CALU: variants seen among roughly 807,000 people sequenced by gnomAD.
The protein encoded by CALU is calumenin.
Under a neutral mutation model 37.5 loss-of-function variants are expected in CALU, and 13 were observed. That is an observed-to-expected ratio of 0.35 (90% CI 0.23 to 0.55). CALU has a LOEUF of 0.55. Among genes scored for constraint, CALU ranks in the 20% least tolerant of loss-of-function variants. The pLI, the probability that CALU is intolerant of heterozygous loss-of-function variation, is 0.89. For synonymous variants in CALU, 114 were observed against 133.8 expected, an observed-to-expected ratio of 0.85 and a Z score of 1.02; for missense variants, 282 against 391.7, an observed-to-expected ratio of 0.72 and a Z score of 2.36.
rs1466085388 is a variant in CALU at position 128,754,275 on chromosome 7, A to G, written c.235A>G (p.Lys79Glu). ...CATTTTCTACAGAAAGATTGTAAGT[A>G]AAATAGATGGCGACAAGGACGGGTT... ...SKERLGKIVSKIDGDKDGFVT... is the reference protein window; with the variant it reads ...SKERLGKIVSEIDGDKDGFVT... Residue 79 changes from lysine (K) to glutamate (E), a missense_variant, in exon 3 of 7, where the codon AAA (lysine) becomes GAA (glutamate). Transcript: ENST00000249364. The G allele has an allele frequency of 6.2e-7, 1 of 1,607,924 alleles. No homozygotes were observed. Among genetic ancestry groups the G allele is most frequent in the African/African-American group, 1.3e-5 (1 of 74,476 alleles).
intron 2 of CALU, among the ~76,000 whole-genome samples, chr7:128,753,103 C>G (rs985408094): frequency 3.9e-5 from 6 of 152,214 alleles, no homozygotes; most frequent in Admixed American, 3.9e-4. Flanking sequence ...TTGTATCTAA[C>G]ACCTGATCTG....
At chr7:128,741,306 A>G (rs1425840521) in intron 1 of CALU, among the ~76,000 whole-genome samples, 1 of 152,262 alleles carries the variant, frequency 6.6e-6, no homozygotes, top group Non-Finnish European at 1.5e-5. Context: ...CAGGAACCAC[A>G]TTGCTGCCAA....
chr7:128,755,156 A>AAAAAG lies in CALU; in HGVS notation c.415+704_415+705insAGAAA, dbSNP rs1800825194. Among the ~76,000 whole-genome samples the AAAAAG allele has an allele frequency of 4.0e-5, 6 of 151,618 alleles. 1 individual carries two copies. In the South Asian group the frequency reaches 1.3e-3, roughly 32 times the overall value. Reference sequence around the variant, plus strand: ...CCTGTCTCTACCAAAAAAAAAAAAAAAAATTTAAATTAGCCAAGCATGGTG... The same window carrying AAAAAG: ...CCTGTCTCTACCAAAAAAAAAAAAAAAAAAGAAATTTAAATTAGCCAAGCATGGTG... On this transcript the variant is annotated intron_variant, in intron 3 of 6. Transcript: ENST00000249364.
chr7:128,748,520 T>A (rs1585003027), intron 1 of CALU, 53 bp from the exon 2 acceptor site: 1 of 1,384,904 alleles, frequency 7.2e-7, no homozygotes, highest in Non-Finnish European at 1.0e-6. Context: ...AATTTCTTAT[T>A]TAGTTATTAA....
intron 1 of CALU, among the ~76,000 whole-genome samples, chr7:128,741,816 C>T (rs1021011700): frequency 2.6e-5 from 4 of 152,246 alleles, no homozygotes; most frequent in African/African-American, 9.6e-5. Flanking sequence ...GGCTTGTCAA[C>T]GAAAAGGAAA....
chr7:128,740,349 T>TCAAC (rs1252752248), intron 1 of CALU, among the ~76,000 whole-genome samples: 1 of 152,224 alleles, frequency 6.6e-6, no homozygotes, highest in East Asian at 1.9e-4. Flanking sequence ...GACCATGAAG[T>TCAAC]CAACGTTAAT....
chr7:128,746,609 A>G (rs1054694324), intron 1 of CALU, among the ~76,000 whole-genome samples: 2 of 152,062 alleles, frequency 1.3e-5, no homozygotes, highest in Non-Finnish European at 1.5e-5. Context: ...GTATGCCACC[A>G]TGCCCAGCTA....
chr7:128,773,204 A>G lies in CALU; in HGVS notation c.*4037A>G, dbSNP rs189168873. On this transcript the variant is annotated 3_prime_UTR_variant, in exon 7 of 7. Transcript: ENST00000249364. ...GCTTCACACATGCTCGTGCAGGCTAAAAGTTGGAAGGGAAATGATTAAGAA... is the reference window on the plus strand; with the variant it reads ...GCTTCACACATGCTCGTGCAGGCTAGAAGTTGGAAGGGAAATGATTAAGAA... Among the ~76,000 whole-genome samples, 1 of 152,370 alleles carries G rather than the reference A, an allele frequency of 6.6e-6. No homozygotes were observed. Among genetic ancestry groups the G allele is most frequent in the Non-Finnish European group, 1.5e-5 (1 of 68,032 alleles).
intron 1 of CALU, among the ~76,000 whole-genome samples, chr7:128,740,899 A>T (rs995710183): frequency 2.6e-5 from 4 of 152,136 alleles, no homozygotes; most frequent in Non-Finnish European, 5.9e-5. Flanking sequence ...GTTATTTTTT[A>T]AAATTTATTT....
At chr7:128,756,288 C>T (rs1461771945) in intron 3 of CALU, among the ~76,000 whole-genome samples, 2 of 152,174 alleles carry the variant, frequency 1.3e-5, no homozygotes, top group African/African-American at 2.4e-5. Context: ...AATGATTCTT[C>T]GGTGCTGTGT....
chr7:128,760,186 G>C (rs1801051260), intron 5 of CALU, among the ~76,000 whole-genome samples: 1 of 152,092 alleles, frequency 6.6e-6, no homozygotes, highest in African/African-American at 2.4e-5. Flanking sequence ...CAACAAGAGT[G>C]AAACTGTCTC....
intron 2 of CALU, among the ~76,000 whole-genome samples, chr7:128,749,666 G>A (rs931700309): frequency 3.3e-5 from 5 of 152,248 alleles, no homozygotes; most frequent in South Asian, 4.1e-4. Context: ...ATCATAAGAC[G>A]TTGTAGGATT....
intron 5 of CALU, among the ~76,000 whole-genome samples, chr7:128,761,793 T>C (rs903328618): frequency 1.2e-4 from 18 of 152,246 alleles, no homozygotes; most frequent in Non-Finnish European, 2.5e-4. Context: ...GATAGTTACC[T>C]GAAATGTTTA....
At chr7:128,749,002 G>A (rs991189492) in intron 2 of CALU, among the ~76,000 whole-genome samples, 198 bp downstream of exon 2, 1 of 152,142 alleles carries the variant, frequency 6.6e-6, no homozygotes, top group Non-Finnish European at 1.5e-5. Context: ...ATAACAGTTG[G>A]TGCCTCATTC....
At chr7:128,754,159 A>G in intron 2 of CALU, 103 bp from the exon 3 acceptor site, 1 of 877,084 alleles carries the variant, frequency 1.1e-6, no homozygotes, top group Admixed American at 2.7e-5. Context: ...TGTTTTGGAG[A>G]CAATTTTTTA....
intron 3 of CALU, among the ~76,000 whole-genome samples, chr7:128,758,094 T>C (rs1023924823): frequency 6.6e-6 from 1 of 152,124 alleles, no homozygotes; most frequent in Non-Finnish European, 1.5e-5. Flanking sequence ...ATCCTTCTCA[T>C]TCTCGCCATT....
chr7:128,755,478 T>G (rs1563131330), intron 3 of CALU, among the ~76,000 whole-genome samples: 1 of 152,190 alleles, frequency 6.6e-6, no homozygotes, highest in African/African-American at 2.4e-5. Context: ...ATAAAATAGT[T>G]TTCCTTAATA....
intron 3 of CALU, among the ~76,000 whole-genome samples, chr7:128,755,309 C>CAAAAAA (rs59208090): frequency 2.5e-4 from 13 of 51,506 alleles, no homozygotes; most frequent in East Asian, 9.2e-4. Flanking sequence ...GAGCTCTGTC[C>CAAAAAA]AAAAAAAAAA....
intron 1 of CALU, among the ~76,000 whole-genome samples, chr7:128,746,463 T>C (rs1174965353): frequency 6.6e-6 from 1 of 151,928 alleles, no homozygotes; most frequent in Non-Finnish European, 1.5e-5. Context: ...TGGCTGCTTT[T>C]TTTATTTTTT....
Sources: gnomAD v4.1 joint callset for allele counts (sites outside exome capture counted in the v4.1 genomes callset) on GRCh38, gnomAD v4.1.1 for gene constraint, MANE v1.5 for transcripts, NCBI Gene and HGNC (gene_info 2026-07-23, HGNC 2026-07-21) for gene names.